The following SLC25A13 variants were observed in gnomAD, a reference collection of about 807,000 sequenced individuals.
SLC25A13 encodes solute carrier family 25 member 13.
SLC25A13 carries 70 observed loss-of-function variants against 85.5 expected under a neutral mutation model. The observed-to-expected ratio is 0.82, with a 90% CI of 0.68 to 1.00. SLC25A13 has a LOEUF of 1.00. SLC25A13 is among the 50% of genes least tolerant of loss of function. The pLI is 0.00. For synonymous variants in SLC25A13, 259 were observed against 288.7 expected, an observed-to-expected ratio of 0.90 and a Z score of 1.04; for missense variants, 765 against 819.8, an observed-to-expected ratio of 0.93 and a Z score of 0.82.
At chr7:96,311,375 A>G (rs1207917786) in intron 1 of SLC25A13, among the ~76,000 whole-genome samples, 1 of 152,174 alleles carries the variant, frequency 6.6e-6, no homozygotes, top group Non-Finnish European at 1.5e-5. Flanking sequence ...CAAAACCAAA[A>G]AAGACTCTAA....
intron 1 of SLC25A13, among the ~76,000 whole-genome samples, chr7:96,316,608 G>A (rs866295404): frequency 2.0e-5 from 3 of 152,204 alleles, no homozygotes; most frequent in South Asian, 2.1e-4. Flanking sequence ...TTGCACAAGC[G>A]TGAGAAATTA....
At chr7:96,212,634 T>A (rs1471199849) in intron 4 of SLC25A13, among the ~76,000 whole-genome samples, 1 of 152,144 alleles carries the variant, frequency 6.6e-6, no homozygotes, top group Non-Finnish European at 1.5e-5. Context: ...TTGAAGTGAA[T>A]CAAAGGTCCA....
intron 1 of SLC25A13, chr7:96,306,698 G>A (rs974487872): frequency 3.2e-5 from 27 of 831,414 alleles, no homozygotes; most frequent in South Asian, 1.6e-4. Flanking sequence ...GCAGCCAAAC[G>A]GTGAGCTTAG....
At chr7:96,299,193 C>T (rs1799460554) in intron 1 of SLC25A13, among the ~76,000 whole-genome samples, 1 of 152,148 alleles carries the variant, frequency 6.6e-6, no homozygotes, top group South Asian at 2.1e-4. Context: ...CTCCCCTGCC[C>T]TCAATTTTCA....
chr7:96,296,176 G>T (rs910850923), intron 2 of SLC25A13, among the ~76,000 whole-genome samples: 8 of 152,074 alleles, frequency 5.3e-5, no homozygotes, highest in Non-Finnish European at 1.2e-4. Flanking sequence ...TGATGATAAT[G>T]ATGATGACCA....
intron 3 of SLC25A13, among the ~76,000 whole-genome samples, chr7:96,263,416 A>G (rs1797930898): frequency 6.6e-6 from 1 of 152,100 alleles, no homozygotes; most frequent in Non-Finnish European, 1.5e-5. Flanking sequence ...TCTAACCAAT[A>G]CCTGGCTGTC....
At chr7:96,320,562 G>A (rs1800302059) in intron 1 of SLC25A13, among the ~76,000 whole-genome samples, 1 of 152,176 alleles carries the variant, frequency 6.6e-6, no homozygotes, top group South Asian at 2.1e-4. Context: ...AAAGGGTTAA[G>A]GCAGCTTCCA....
At position 96,189,717 on chromosome 7, in the gene SLC25A13, T is replaced by C. The variant is rs531337708; in HGVS notation, c.755-43A>G. The C allele has an allele frequency of 2.0e-5, 30 of 1,522,882 alleles. No homozygotes were observed. In the East Asian group the frequency reaches 6.3e-4, roughly 32 times the overall value. The allele number at this position is 1,522,882 out of a possible 1,614,324, so 94.3% of individuals were successfully genotyped here. ...TAAAAGGGAAAGATTCAAGAAGAAATAGCCACTAAATTCAGCATTAACTCA... is the reference window on the plus strand; with the variant it reads ...TAAAAGGGAAAGATTCAAGAAGAAACAGCCACTAAATTCAGCATTAACTCA... On this transcript the variant is annotated intron_variant, in intron 7 of 17. Transcript: ENST00000265631.
At chr7:96,212,315 C>A (rs1421934965) in intron 4 of SLC25A13, among the ~76,000 whole-genome samples, 1 of 152,196 alleles carries the variant, frequency 6.6e-6, no homozygotes. Context: ...CTAAGTAGCA[C>A]AGCTTGGGAG....
At chr7:96,172,092 C>G (rs1184682094) in intron 11 of SLC25A13, among the ~76,000 whole-genome samples, 4 of 152,090 alleles carry the variant, frequency 2.6e-5, no homozygotes, top group Non-Finnish European at 4.4e-5. Flanking sequence ...TCTAATTTAT[C>G]TATGTAAGAA....
Position 96,272,251 on chromosome 7 carries a change from C to T in SLC25A13, c.212+4945G>A, listed in dbSNP as rs559996959. 1.0e-3 allele frequency among the ~76,000 whole-genome samples: 152 copies of T among 152,136 alleles called. 1 individual carries two copies. Among genetic ancestry groups the T allele is most frequent in the Middle Eastern group, 3.4e-3 (1 of 294 alleles). On this transcript the variant is annotated intron_variant, in intron 3 of 17. Transcript: ENST00000265631. ...TTATACCTTCAGAGGTCTTCCAATTCTATCAAATAAAGGCCCATAAACATA... is the reference window on the plus strand; with the variant it reads ...TTATACCTTCAGAGGTCTTCCAATTTTATCAAATAAAGGCCCATAAACATA...
At chr7:96,252,387 T>C (rs1021805885) in intron 3 of SLC25A13, among the ~76,000 whole-genome samples, 1 of 152,114 alleles carries the variant, frequency 6.6e-6, no homozygotes, top group Non-Finnish European at 1.5e-5. Context: ...CAGAATCTAC[T>C]GAGCAAGCAA....
At chr7:96,216,682 G>A (rs752669136) in intron 4 of SLC25A13, among the ~76,000 whole-genome samples, 22 of 152,148 alleles carry the variant, frequency 1.4e-4, no homozygotes, top group Non-Finnish European at 2.8e-4. Flanking sequence ...CTGACTTTAA[G>A]TGGGAGCTAA....
intron 2 of SLC25A13, among the ~76,000 whole-genome samples, chr7:96,281,594 T>C (rs912245387): frequency 2.0e-5 from 3 of 152,134 alleles, no homozygotes; most frequent in Non-Finnish European, 4.4e-5. Flanking sequence ...TGGTGGGTGC[T>C]GATCAGAAGG....
intron 3 of SLC25A13, among the ~76,000 whole-genome samples, chr7:96,260,394 C>T (rs62472369): frequency 0.49 from 74,105 of 151,802 alleles, 19,489 homozygotes; most frequent in Non-Finnish European, 0.59. Context: ...GCAATTAAAA[C>T]ACAAACATAT....
intron 2 of SLC25A13, among the ~76,000 whole-genome samples, chr7:96,289,905 A>AG (rs1242751055): frequency 1.3e-5 from 2 of 152,098 alleles, no homozygotes; most frequent in Non-Finnish European, 2.9e-5. Flanking sequence ...AGGAAATACA[A>AG]AGAACGCCAC....
chr7:96,162,059 T>C (rs1311683196), intron 13 of SLC25A13, among the ~76,000 whole-genome samples: 1 of 152,212 alleles, frequency 6.6e-6, no homozygotes, highest in Non-Finnish European at 1.5e-5. Flanking sequence ...TCATCTTATA[T>C]TTATAAGTAA....
At chr7:96,156,406 C>T (rs1056797004) in intron 13 of SLC25A13, among the ~76,000 whole-genome samples, 1 of 152,088 alleles carries the variant, frequency 6.6e-6, no homozygotes, top group Non-Finnish European at 1.5e-5. Flanking sequence ...AAGAGATTCT[C>T]GTGCCTCAGC....
intron 13 of SLC25A13, chr7:96,167,117 T>C (rs1262999601): frequency 6.6e-6 from 1 of 152,228 alleles, no homozygotes; most frequent in Non-Finnish European, 1.5e-5. Context: ...ACTGTTAAAG[T>C]GTGAATCTAT....
Sources: gnomAD v4.1 joint callset for allele counts (sites outside exome capture counted in the v4.1 genomes callset) on GRCh38, gnomAD v4.1.1 for gene constraint, MANE v1.5 for transcripts, NCBI Gene and HGNC (gene_info 2026-07-23, HGNC 2026-07-21) for gene names.